The following COL4A2 variants were observed in gnomAD, a reference collection of about 807,000 sequenced individuals.
COL4A2 encodes collagen type IV alpha 2 chain.
A neutral mutation model predicts 200.2 loss-of-function variants in COL4A2; 99 were observed. The observed-to-expected ratio is 0.49, with a 90% CI of 0.42 to 0.58. The LOEUF is 0.58. Among genes scored for constraint, COL4A2 ranks in the 20% least tolerant of loss-of-function variants. The pLI is 0.00. For missense variants in COL4A2, 1,950 were observed against 2,314.1 expected (o/e 0.84, Z 3.23); for synonymous variants, 897 against 900.6 (o/e 1.00, Z 0.07).
intron 3 of COL4A2, among the ~76,000 whole-genome samples, chr13:110,321,242 A>G (rs1418367945): frequency 1.5e-5 from 2 of 130,250 alleles, no homozygotes; most frequent in East Asian, 3.9e-4. Context: ...ACACACACAC[A>G]TAGAGAGTGT....
At chr13:110,423,255 CCT>C (rs1491279553) in intron 4 of COL4A2, among the ~76,000 whole-genome samples, 6 of 100,084 alleles carry the variant, frequency 6.0e-5, no homozygotes, top group Admixed American at 3.7e-4. Context: ...TAGAACTTCC[CCT>C]CCCCTCCTTT....
At chr13:110,506,963 G>T (rs577099520) in intron 46 of COL4A2, among the ~76,000 whole-genome samples, 1 of 152,260 alleles carries the variant, frequency 6.6e-6, no homozygotes, top group South Asian at 2.1e-4. Flanking sequence ...GTCAGGCAGG[G>T]GCCATGAGGG....
At chr13:110,405,366 A>G (rs2139434169) in intron 4 of COL4A2, among the ~76,000 whole-genome samples, 1 of 152,278 alleles carries the variant, frequency 6.6e-6, no homozygotes, top group South Asian at 2.1e-4. Context: ...ACAAGGCTGT[A>G]TGGAAGCCTG....
chr13:110,475,801 A>G (rs780056017), intron 29 of COL4A2, among the ~76,000 whole-genome samples: 11 of 152,264 alleles, frequency 7.2e-5, no homozygotes, highest in Non-Finnish European at 1.6e-4. Context: ...GAATGAAGTA[A>G]TGCAGACGTC....
intron 3 of COL4A2, among the ~76,000 whole-genome samples, chr13:110,351,185 A>T (rs902078129): frequency 2.0e-5 from 3 of 151,974 alleles, no homozygotes; most frequent in Non-Finnish European, 4.4e-5. Context: ...AGCAGCTGGG[A>T]CCACAGGCGT....
intron 3 of COL4A2, among the ~76,000 whole-genome samples, chr13:110,351,304 A>G (rs1374796278): frequency 1.3e-5 from 2 of 152,024 alleles, no homozygotes; most frequent in Non-Finnish European, 2.9e-5. Flanking sequence ...TGAACCCCTG[A>G]GCTCAAGCGA....
chr13:110,404,066 C>T (rs1879475092), intron 4 of COL4A2, among the ~76,000 whole-genome samples: 1 of 152,178 alleles, frequency 6.6e-6, no homozygotes, highest in Non-Finnish European at 1.5e-5. Flanking sequence ...GACCTACTCA[C>T]CTTCCAGAGT....
chr13:110,369,848 C>T (rs994089935), intron 4 of COL4A2, among the ~76,000 whole-genome samples: 3 of 152,122 alleles, frequency 2.0e-5, no homozygotes, highest in African/African-American at 7.2e-5. Flanking sequence ...CCTGTCCAGC[C>T]CCACTTTCTT....
chr13:110,339,354 T>C (rs948093875), intron 3 of COL4A2, among the ~76,000 whole-genome samples: 1 of 152,226 alleles, frequency 6.6e-6, no homozygotes, highest in Non-Finnish European at 1.5e-5. Flanking sequence ...GGTGCTTGCA[T>C]ATTTGGGGCT....
intron 3 of COL4A2, among the ~76,000 whole-genome samples, chr13:110,320,372 A>G (rs1032349596): frequency 3.3e-5 from 5 of 152,198 alleles, no homozygotes; most frequent in African/African-American, 1.2e-4. Flanking sequence ...CTGCTCTCCA[A>G]CAAGAGTGAT....
At position 110,344,674 on chromosome 13, in the gene COL4A2, G is replaced by A. The variant is rs12428149; in HGVS notation, c.100-12798G>A. Reference sequence around the variant, plus strand: ...CCAGGGCCGCAGTATTCTCTCTCTTGCCTCGCTCAGGCCACATACTCTCCT... The same window carrying A: ...CCAGGGCCGCAGTATTCTCTCTCTTACCTCGCTCAGGCCACATACTCTCCT... On this transcript the variant is annotated intron_variant, in intron 3 of 47. Transcript: ENST00000360467. Among the ~76,000 whole-genome samples the A allele has an allele frequency of 5.0e-3, 767 of 152,238 alleles. 17 individuals carry two copies. Among genetic ancestry groups the A allele is most frequent in the Admixed American group, 0.035 (535 of 15,292 alleles).
At chr13:110,318,311 TGC>T (rs1885193980) in intron 3 of COL4A2, among the ~76,000 whole-genome samples, 1 of 149,476 alleles carries the variant, frequency 6.7e-6, no homozygotes, top group Non-Finnish European at 1.5e-5. Context: ...AGTGTGTGTG[TGC>T]GCGCGGGTAT....
At chr13:110,374,647 C>T (rs1479549886) in intron 4 of COL4A2, among the ~76,000 whole-genome samples, 2 of 152,198 alleles carry the variant, frequency 1.3e-5, no homozygotes, top group African/African-American at 4.8e-5. Context: ...TCTTTGCTCA[C>T]AGGGAATCTC....
intron 3 of COL4A2, among the ~76,000 whole-genome samples, chr13:110,317,478 C>G (rs1461646598): frequency 6.6e-6 from 1 of 152,226 alleles, no homozygotes; most frequent in African/African-American, 2.4e-5. Context: ...ATACCTGCCT[C>G]TGGGGAGCAT....
chr13:110,312,551 TATA>T (rs1885013098), intron 3 of COL4A2, among the ~76,000 whole-genome samples: 1 of 152,232 alleles, frequency 6.6e-6, no homozygotes, highest in African/African-American at 2.4e-5. Flanking sequence ...GTGTTGATAA[TATA>T]ATGAAGAGAT....
In COL4A2 at chr13:110,503,854, C is replaced by T. The variant is rs372424; in HGVS notation, c.4146C>T (p.Pro1382=). 303 of 1,613,866 alleles carry T rather than the reference C, an allele frequency of 1.9e-4. No homozygotes were observed. In the African/African-American group the frequency reaches 2.4e-3, roughly 13 times the overall value. Residue 1382 remains proline (P), a synonymous_variant, in exon 44 of 48, where the codon CCC becomes CCT. Coordinates refer to ENST00000360467, the MANE Select transcript of COL4A2 (RefSeq NM_001846.4). The part of the protein sequence containing the change: ...PKGDPGFPGA[P]GTVGAPGIAG... ...TCTCTGTTTCCCTTCCAGGTGCCCC[C>T]GGGACTGTGGGAGCCCCCGGGATTG...
In COL4A2 at chr13:110,428,456, C is replaced by G. The variant is rs532415822; in HGVS notation, c.361-11C>G. ...CTGGTTGGCTGATTCTCTCACTGCTCTCTTTCCCAGGGACACCCGGGGCAA... is the reference window on the plus strand; with the variant it reads ...CTGGTTGGCTGATTCTCTCACTGCTGTCTTTCCCAGGGACACCCGGGGCAA... On this transcript the variant is annotated splice_polypyrimidine_tract_variant and intron_variant, in intron 6 of 47. Coordinates refer to ENST00000360467, the MANE Select transcript of COL4A2 (RefSeq NM_001846.4). 81 of 1,544,650 alleles carry G rather than the reference C, an allele frequency of 5.2e-5. 1 individual carries two copies. The South Asian group carries it at 8.7e-4, about 17-fold the overall frequency.
chr13:110,334,212 G>C (rs1427755129), intron 3 of COL4A2, among the ~76,000 whole-genome samples: 1 of 152,254 alleles, frequency 6.6e-6, no homozygotes, highest in Non-Finnish European at 1.5e-5. Flanking sequence ...CCTTAGGTTG[G>C]ACAGTAAAAT....
chr13:110,317,051 GAC>G (rs10554628), intron 3 of COL4A2, among the ~76,000 whole-genome samples: 8,481 of 149,248 alleles, frequency 0.057, 785 homozygotes, highest in African/African-American at 0.2. Context: ...CATGCACATA[GAC>G]ACACAGGCAC....
Sources: allele counts gnomAD v4.1 joint callset (sites outside exome capture counted in the v4.1 genomes callset), GRCh38; gene constraint gnomAD v4.1.1; transcripts MANE v1.5; gene names NCBI Gene and HGNC (gene_info 2026-07-23, HGNC 2026-07-21).